ANHX: variants seen among roughly 807,000 people sequenced by gnomAD.
ANHX encodes anomalous homeobox protein.
A neutral mutation model predicts 38.9 loss-of-function variants in ANHX; 20 were observed. That is an observed-to-expected ratio of 0.51 (90% CI 0.36 to 0.75). The LOEUF is 0.75. Among genes scored for constraint, ANHX ranks in the 30% least tolerant of loss-of-function variants. The probability of loss-of-function intolerance (pLI) is 0.00; values close to 1 mark genes in which losing one functional copy is unlikely to be tolerated. For missense variants in ANHX, 475 were observed against 493.1 expected (o/e 0.96, Z 0.35); for synonymous variants, 185 against 203.1 (o/e 0.91, Z 0.76).
In ANHX at chr12:133,218,892, A is replaced by G; in HGVS notation, c.1445T>C (p.Leu482Pro). The G allele has an allele frequency of 6.6e-7, 1 of 1,526,104 alleles. No homozygotes were observed. Among genetic ancestry groups the G allele is most frequent in the Non-Finnish European group, 8.8e-7 (1 of 1,139,922 alleles). 94.5% of individuals were successfully genotyped at this position (1,526,104 alleles called of 1,614,324 possible). A position where few individuals can be genotyped will look rare whatever the true frequency, so the allele number is the denominator to read the frequency against. The change falls in exon 10 of 10, where the codon CTG becomes CCG. Residue 482 changes from leucine (L) to proline (P), a missense_variant. By Grantham distance (98) the Leu-to-Pro change is moderately conservative. Transcript: ENST00000545940. ...RMLLEFSGSS[L>P]G ...CTGGCTCCTGGGGATAGCTCAGCCCAGGCTGCTCCCTGAAAACTCAAGGAG... is the reference window on the plus strand; with the variant it reads ...CTGGCTCCTGGGGATAGCTCAGCCCGGGCTGCTCCCTGAAAACTCAAGGAG...
Position 133,221,277 on chromosome 12 carries a change from G to C in ANHX, c.1208C>G (p.Thr403Arg). 1.3e-6 allele frequency: 2 copies of C among 1,536,024 alleles called. No homozygotes were observed. The highest frequency in any genetic ancestry group is 1.7e-4 in the Middle Eastern group (1 of 5,990). Residue 403 changes from threonine to arginine, a missense_variant, in exon 8 of 10, where the codon ACA (threonine) becomes AGA (arginine). Transcript: ENST00000545940. This position sits in a 1 kb window ranked among gnomAD's most constrained non-coding sequence, Gnocchi z 4.1. ...CAGGAAGCTGCCCACCCGTAGCTCTGTCCGTCCACTGCTTGTGCCCAGACC... is the reference window on the plus strand; with the variant it reads ...CAGGAAGCTGCCCACCCGTAGCTCTCTCCGTCCACTGCTTGTGCCCAGACC... Reference protein sequence around the residue: ...EEGLGTSSGRTELRVGSFLVT... With the variant: ...EEGLGTSSGRRELRVGSFLVT...
chr12:133,223,542 T>A (rs556492109), intron 7 of ANHX, among the ~76,000 whole-genome samples: 2 of 148,972 alleles, frequency 1.3e-5, no homozygotes, highest in African/African-American at 5.0e-5. Context: ...ACCTCCCGGG[T>A]TCAAGTGATT....
intron 2 of ANHX, among the ~76,000 whole-genome samples, chr12:133,233,370 A>C (rs1347526961): frequency 6.6e-6 from 1 of 152,250 alleles, no homozygotes; most frequent in Non-Finnish European, 1.5e-5. Context: ...TCTTGAAGGT[A>C]AACTCACAAT....
At chr12:133,233,478 G>A (rs139529961) in intron 2 of ANHX, among the ~76,000 whole-genome samples, 2,875 of 152,198 alleles carry the variant, frequency 0.019, 91 homozygotes, top group African/African-American at 0.066. Flanking sequence ...CTGTGATTCA[G>A]AATTTTTCAG....
chr12:133,224,932 A>C (rs1017051794), intron 7 of ANHX, among the ~76,000 whole-genome samples: 3 of 147,774 alleles, frequency 2.0e-5, no homozygotes, highest in East Asian at 2.0e-4. Context: ...ACGCCACTGC[A>C]CTCCAGCCTG....
At chr12:133,220,582 G>C (rs777168527) in intron 8 of ANHX, among the ~76,000 whole-genome samples, 43 of 152,166 alleles carry the variant, frequency 2.8e-4, no homozygotes, top group Non-Finnish European at 5.3e-4. Context: ...CCTGATGAGG[G>C]AGACCCCACA....
At chr12:133,223,316 C>T (rs1209428453) in intron 7 of ANHX, among the ~76,000 whole-genome samples, 1 of 151,930 alleles carries the variant, frequency 6.6e-6, no homozygotes, top group East Asian at 1.9e-4. Flanking sequence ...AGACTGGTCC[C>T]GGAGTTCCAA....
chr12:133,219,174 T>C, intron 9 of ANHX, 109 bp downstream of exon 9: 2 of 1,119,380 alleles, frequency 1.8e-6, no homozygotes, highest in Non-Finnish European at 2.6e-6. Flanking sequence ...TTGTTTATCT[T>C]TGCCTGGTGT....
chr12:133,224,054 C>T (rs1205901497), intron 7 of ANHX, among the ~76,000 whole-genome samples: 1 of 152,012 alleles, frequency 6.6e-6, no homozygotes, highest in Non-Finnish European at 1.5e-5. Context: ...TGCTGGCTAA[C>T]AAAACAAGGG....
chr12:133,233,976 G>A (rs1328636627), intron 2 of ANHX, 132 bp downstream of exon 2: 1 of 1,202,344 alleles, frequency 8.3e-7, no homozygotes, highest in Non-Finnish European at 1.1e-6. Flanking sequence ...TTTTTCCAAG[G>A]CCTGGGGGTG....
chr12:133,231,441 C>T (rs1053233292), intron 3 of ANHX, 76 bp downstream of exon 3: 13 of 1,521,172 alleles, frequency 8.5e-6, no homozygotes, highest in African/African-American at 1.4e-5. Flanking sequence ...TGCTTCAGCC[C>T]CTCTGGGCTT....
At chr12:133,222,983 G>C (rs1222680910) in intron 7 of ANHX, among the ~76,000 whole-genome samples, 1 of 152,150 alleles carries the variant, frequency 6.6e-6, no homozygotes, top group Non-Finnish European at 1.5e-5. Context: ...TTGAGATCAG[G>C]AGTTCGAGAC....
At chr12:133,227,759 C>A in intron 4 of ANHX, 65 bp downstream of exon 4, 12 of 1,518,432 alleles carry the variant, frequency 7.9e-6, no homozygotes, top group Non-Finnish European at 1.1e-5. Flanking sequence ...GGTGGGGGTA[C>A]CCCTTGGGGG....
chr12:133,224,793 G>A lies in ANHX; in HGVS notation c.1132+743C>T, dbSNP rs561175620. ...ATCCTGGCTAACAGGGTGAAACCCCGTCTCTACTAAAAAGTACAAAAAAAT... is the reference window on the plus strand; with the variant it reads ...ATCCTGGCTAACAGGGTGAAACCCCATCTCTACTAAAAAGTACAAAAAAAT... On this transcript the variant is annotated intron_variant, in intron 7 of 9. Coordinates refer to ENST00000545940, the MANE Select transcript of ANHX (RefSeq NM_001372060.1). Among the ~76,000 whole-genome samples, 574 of 149,562 alleles carry A rather than the reference G, an allele frequency of 3.8e-3. 2 individuals are homozygous for A. The highest frequency in any genetic ancestry group is 0.013 in the African/African-American group (529 of 40,426).
Position 133,226,430 on chromosome 12 carries a change from C to G in ANHX, c.727G>C (p.Glu243Gln). The G allele has an allele frequency of 2.0e-6, 3 of 1,533,964 alleles. No homozygotes were observed. Among genetic ancestry groups the G allele is most frequent in the South Asian group, 1.2e-5 (1 of 83,946 alleles). ...GGGGACTGTGGAGGCCCCTTTTCCTCACGTTCCTCTGAAAGTGATGAGATG... is the reference window on the plus strand; with the variant it reads ...GGGGACTGTGGAGGCCCCTTTTCCTGACGTTCCTCTGAAAGTGATGAGATG... ...VDRPQWSEER[E>Q]EKGPPQSPQT... is the part of the protein sequence containing the mutation. The change falls in exon 6 of 10, where the codon GAG becomes CAG. Residue 243 changes from glutamate (E) to glutamine (Q), a missense_variant. Glu to Gln is a conservative substitution (Grantham distance 29). Coordinates refer to ENST00000545940, the MANE Select transcript of ANHX (RefSeq NM_001372060.1).
At chr12:133,220,420 G>C (rs1326651626) in intron 8 of ANHX, among the ~76,000 whole-genome samples, 1 of 152,228 alleles carries the variant, frequency 6.6e-6, no homozygotes, top group Admixed American at 6.5e-5. Flanking sequence ...GAATGGAAAA[G>C]TGAGTCCATC....
At chr12:133,227,736 C>A in intron 4 of ANHX, 88 bp downstream of exon 4, 1 of 1,470,690 alleles carries the variant, frequency 6.8e-7, no homozygotes, top group East Asian at 2.5e-5. Context: ...GATGAGGCCA[C>A]TGAGGAGCCT....
intron 7 of ANHX, among the ~76,000 whole-genome samples, chr12:133,223,444 T>C (rs895061186): frequency 1.8e-4 from 25 of 140,204 alleles, no homozygotes; most frequent in Non-Finnish European, 3.8e-4. Flanking sequence ...GAGACTTTAT[T>C]CTTTTTTTTT....
intron 7 of ANHX, among the ~76,000 whole-genome samples, chr12:133,223,706 A>C (rs1188544109): frequency 6.6e-6 from 1 of 152,072 alleles, no homozygotes; most frequent in Non-Finnish European, 1.5e-5. Flanking sequence ...TCAGCCGCCC[A>C]AAGTGCTGGG....
Sources: allele counts gnomAD v4.1 joint callset (sites outside exome capture counted in the v4.1 genomes callset), GRCh38; gene constraint gnomAD v4.1.1; non-coding constraint Gnocchi (gnomAD v3.1); transcripts MANE v1.5; gene names NCBI Gene and HGNC (gene_info 2026-07-23, HGNC 2026-07-21).